FGGY: variants seen among roughly 807,000 people sequenced by gnomAD.
FGGY encodes the protein FGGY carbohydrate kinase domain containing.
A neutral mutation model predicts 71.3 loss-of-function variants in FGGY; 72 were observed. The observed-to-expected ratio is 1.01, with a 90% CI of 0.84 to 1.23. The LOEUF (loss-of-function observed/expected upper bound fraction) is 1.23. Ranked by LOEUF, FGGY falls within the 50% of genes most tolerant of loss-of-function variation. The pLI is 0.00. For synonymous variants in FGGY, 251 were observed against 250.3 expected (o/e 1.00, Z -0.02); for missense variants, 668 against 682.3 (o/e 0.98, Z 0.23).
intron 2 of FGGY, among the ~76,000 whole-genome samples, chr1:59,336,266 T>C (rs1190594574): frequency 6.6e-6 from 1 of 152,132 alleles, no homozygotes; most frequent in East Asian, 1.9e-4. Flanking sequence ...TATAGGCACA[T>C]TTACCAAAGC....
At chr1:59,461,618 G>A (rs2092223779) in intron 6 of FGGY, among the ~76,000 whole-genome samples, 1 of 152,088 alleles carries the variant, frequency 6.6e-6, no homozygotes, top group South Asian at 2.1e-4. Context: ...ATAATTGTCA[G>A]ATTCACCAAG....
intron 4 of FGGY, among the ~76,000 whole-genome samples, chr1:59,374,927 A>T (rs1455981626): frequency 9.6e-4 from 9 of 9,376 alleles, no homozygotes; most frequent in Non-Finnish European, 1.5e-3. Context: ...GGGAGGGGGG[A>T]GGGGGGAGGG....
At chr1:59,331,807 A>G (rs2048539410) in intron 2 of FGGY, 1 of 152,172 alleles carries the variant, frequency 6.6e-6, no homozygotes, top group African/African-American at 2.4e-5. Context: ...CTAAGGACTT[A>G]TGGCTAAGTG....
intron 14 of FGGY, chr1:59,698,947 C>T: frequency 1.3e-5 from 13 of 985,136 alleles, no homozygotes; most frequent in Non-Finnish European, 1.6e-5. Context: ...TTATTTAATA[C>T]ATCCCCATTA....
At chr1:59,329,106 A>G (rs835376) in intron 2 of FGGY, among the ~76,000 whole-genome samples, 61,937 of 152,064 alleles carry the variant, frequency 0.41, 13,124 homozygotes, top group African/African-American at 0.51. Context: ...TGTAAAAAAC[A>G]CAATCTGCAA....
chr1:59,733,211 G>A (rs892389605), intron 14 of FGGY: 5 of 154,236 alleles, frequency 3.2e-5, no homozygotes, highest in Admixed American at 2.6e-4. Flanking sequence ...CATGGTGACT[G>A]TGCATAAAGC....
chr1:59,340,077 C>G lies in FGGY; in HGVS notation c.313+8C>G. ...TACCAGTCAACCAGGAAGGTAAGAC[C>G]ATGTCTCTTCCTTTTCCCAGTGGTG... On this transcript the variant is annotated splice_region_variant and intron_variant, in intron 3 of 15. Coordinates refer to ENST00000303721, the MANE Select transcript of FGGY (RefSeq NM_018291.5). 1 of 1,585,230 alleles carries G rather than the reference C, an allele frequency of 6.3e-7. No individual in the cohort carries two copies. The highest frequency in any genetic ancestry group is 1.3e-5 in the African/African-American group (1 of 74,494).
chr1:59,610,854 C>T (rs1001464488), intron 9 of FGGY, among the ~76,000 whole-genome samples: 5 of 152,238 alleles, frequency 3.3e-5, no homozygotes, highest in Non-Finnish European at 5.9e-5. Context: ...AACGGCACAC[C>T]AGGAGATTAT....
intron 14 of FGGY, among the ~76,000 whole-genome samples, chr1:59,679,105 T>C (rs768126449): frequency 6.6e-6 from 1 of 152,238 alleles, no homozygotes; most frequent in Non-Finnish European, 1.5e-5. Flanking sequence ...AAACCATCCA[T>C]GCTGACCGCA....
intron 5 of FGGY, among the ~76,000 whole-genome samples, chr1:59,448,389 T>C (rs1232806190): frequency 6.6e-6 from 1 of 152,042 alleles, no homozygotes; most frequent in Non-Finnish European, 1.5e-5. Context: ...CAGTAGGTGG[T>C]GGGAGGAATG....
intron 8 of FGGY, among the ~76,000 whole-genome samples, chr1:59,606,187 G>A (rs1216070329): frequency 1.3e-5 from 2 of 152,200 alleles, no homozygotes; most frequent in African/African-American, 4.8e-5. Context: ...GCACTATCTT[G>A]ATTACTGAGA....
chr1:59,370,516 G>A (rs1168432325), intron 4 of FGGY, among the ~76,000 whole-genome samples: 1 of 152,096 alleles, frequency 6.6e-6, no homozygotes, highest in Non-Finnish European at 1.5e-5. Context: ...CCCCAATCTA[G>A]CAAGGCAGGC....
intron 5 of FGGY, among the ~76,000 whole-genome samples, chr1:59,425,331 T>C (rs2066161214): frequency 2.0e-5 from 3 of 152,218 alleles, no homozygotes. Flanking sequence ...TTTATGGCCT[T>C]TTAAGTGTGT....
At chr1:59,428,848 T>C (rs528289626) in intron 5 of FGGY, among the ~76,000 whole-genome samples, 9 of 152,198 alleles carry the variant, frequency 5.9e-5, no homozygotes, top group Non-Finnish European at 1.2e-4. Context: ...CATGGCAGCA[T>C]TAGAGGTGCT....
chr1:59,513,280 T>G (rs1169676154), intron 7 of FGGY, among the ~76,000 whole-genome samples: 1 of 152,230 alleles, frequency 6.6e-6, no homozygotes, highest in Non-Finnish European at 1.5e-5. Context: ...CAGAATTGAA[T>G]AGAACAAAGT....
intron 14 of FGGY, among the ~76,000 whole-genome samples, chr1:59,682,444 T>A (rs529488603): frequency 9.8e-5 from 15 of 152,296 alleles, no homozygotes; most frequent in African/African-American, 2.6e-4. Context: ...GAGGGACTGT[T>A]TACAAAATTG....
chr1:59,553,883 T>C (rs146419004), intron 7 of FGGY: 2 of 368,662 alleles, frequency 5.4e-6, no homozygotes, highest in South Asian at 1.0e-4. Context: ...TTACTGCCAT[T>C]ATTATAACGT....
At chr1:59,442,530 G>A (rs2070191299) in intron 5 of FGGY, among the ~76,000 whole-genome samples, 1 of 151,910 alleles carries the variant, frequency 6.6e-6, no homozygotes, top group African/African-American at 2.4e-5. Flanking sequence ...AAATCTTCAG[G>A]TCTGTACTTC....
intron 8 of FGGY, among the ~76,000 whole-genome samples, chr1:59,594,671 C>G (rs1294972829): frequency 1.3e-5 from 2 of 152,242 alleles, no homozygotes; most frequent in Non-Finnish European, 2.9e-5. Context: ...AAAAATAGCT[C>G]TTACTCCTGA....
Sources: allele counts gnomAD v4.1 joint callset (sites outside exome capture counted in the v4.1 genomes callset), GRCh38; gene constraint gnomAD v4.1.1; transcripts MANE v1.5; gene names NCBI Gene and HGNC (gene_info 2026-07-23, HGNC 2026-07-21).